The following ZC3H18 variants were observed in gnomAD, a reference collection of about 807,000 sequenced individuals.
The protein encoded by ZC3H18 is zinc finger CCCH domain-containing protein 18.
Under a neutral mutation model 106.1 loss-of-function variants are expected in ZC3H18, and 8 were observed. That is an observed-to-expected ratio of 0.08 (90% CI 0.04 to 0.14). The LOEUF (loss-of-function observed/expected upper bound fraction) is 0.14, where lower values mean the gene tolerates loss of function less well. Ranked by LOEUF, ZC3H18 falls within the 10% of genes least tolerant of loss-of-function variation. The probability of loss-of-function intolerance (pLI) is 1.00; values close to 1 mark genes in which losing one functional copy is unlikely to be tolerated. For synonymous variants in ZC3H18, 635 were observed against 522.1 expected (o/e 1.22, Z -2.95); for missense variants, 1,318 against 1,278.4 (o/e 1.03, Z -0.47).
At chr16:88,594,539 T>C (rs1477148068) in intron 3 of ZC3H18, among the ~76,000 whole-genome samples, 1 of 152,240 alleles carries the variant, frequency 6.6e-6, no homozygotes, top group Non-Finnish European at 1.5e-5. Context: ...GTTTCCCTGA[T>C]CCAGTTTGGG....
chr16:88,614,128 T>A (rs1434427838), intron 8 of ZC3H18, among the ~76,000 whole-genome samples: 1 of 152,242 alleles, frequency 6.6e-6, no homozygotes. Context: ...GGGATGTTGT[T>A]TGACTTGGCT....
intron 8 of ZC3H18, among the ~76,000 whole-genome samples, chr16:88,614,880 C>G (rs1767680095): frequency 6.6e-6 from 1 of 152,246 alleles, no homozygotes; most frequent in African/African-American, 2.4e-5. Flanking sequence ...CAGCCCAGCA[C>G]CCCGTGCACA....
intron 2 of ZC3H18, among the ~76,000 whole-genome samples, chr16:88,586,347 A>G (rs996468020): frequency 6.6e-6 from 1 of 152,124 alleles, no homozygotes; most frequent in African/African-American, 2.4e-5. Context: ...ACGAAAGCCC[A>G]CTCTGTAAAT....
Position 88,627,594 on chromosome 16 carries a change from G to T in ZC3H18, c.2109-28G>T. On this transcript the variant is annotated intron_variant, in intron 13 of 17. Transcript: ENST00000301011. The surrounding 1 kb of genome is among the most constrained non-coding windows in gnomAD (Gnocchi z 4.5). ...GGCCCCTCCCTCCAGTCTGGCTGGGGTGTGGTGAGATGTGCTTGTGTGTCC... is the reference window on the plus strand; with the variant it reads ...GGCCCCTCCCTCCAGTCTGGCTGGGTTGTGGTGAGATGTGCTTGTGTGTCC... The T allele has an allele frequency of 3.8e-6, 6 of 1,579,760 alleles. No individual in the cohort carries two copies. The highest frequency in any genetic ancestry group is 5.2e-6 in the Non-Finnish European group (6 of 1,156,708).
At chr16:88,600,697 AC>A (rs1305720034) in intron 6 of ZC3H18, among the ~76,000 whole-genome samples, 1 of 152,186 alleles carries the variant, frequency 6.6e-6, no homozygotes, top group Non-Finnish European at 1.5e-5. Flanking sequence ...ACAGGCGTGA[AC>A]CACTGCACCC....
intron 16 of ZC3H18, 116 bp from the exon 17 acceptor site, chr16:88,630,369 G>A (rs774315136): frequency 2.3e-5 from 16 of 696,252 alleles, no homozygotes; most frequent in Non-Finnish European, 3.2e-5. Context: ...AAAAATGAAG[G>A]TGGTGAACTA....
At chr16:88,581,408 C>G (rs1335951152) in intron 2 of ZC3H18, among the ~76,000 whole-genome samples, 1 of 152,224 alleles carries the variant, frequency 6.6e-6, no homozygotes, top group Admixed American at 6.5e-5. Flanking sequence ...ATCGGGACAT[C>G]AATTTGTACA....
At chr16:88,605,201 G>T (rs1904953036) in intron 6 of ZC3H18, among the ~76,000 whole-genome samples, 1 of 152,228 alleles carries the variant, frequency 6.6e-6, no homozygotes, top group South Asian at 2.1e-4. Context: ...GAGCAGGGAG[G>T]GAGGGTTGGG....
At chr16:88,626,131 T>C (rs548296588) in intron 13 of ZC3H18, 16 of 152,244 alleles carry the variant, frequency 1.1e-4, no homozygotes, top group African/African-American at 3.8e-4. Context: ...CCTAATTTTG[T>C]ATTTTTAGTA....
chr16:88,613,541 G>T (rs745473880), intron 8 of ZC3H18, among the ~76,000 whole-genome samples: 2 of 152,180 alleles, frequency 1.3e-5, no homozygotes, highest in Non-Finnish European at 2.9e-5. Flanking sequence ...AGCCGTCTTG[G>T]TGGGTGTGAC....
chr16:88,591,740 T>C (rs575582262), intron 3 of ZC3H18, among the ~76,000 whole-genome samples: 6 of 152,388 alleles, frequency 3.9e-5, no homozygotes, highest in African/African-American at 1.4e-4. Context: ...CTTTCAGCTC[T>C]TTCGCATGTG....
At chr16:88,610,909 T>C (rs866975581) in intron 7 of ZC3H18, among the ~76,000 whole-genome samples, 14 of 152,246 alleles carry the variant, frequency 9.2e-5, no homozygotes, top group African/African-American at 3.1e-4. Flanking sequence ...GCAGAATTGC[T>C]GCCCTGAGTT....
chr16:88,621,009 G>A (rs1730009918), intron 8 of ZC3H18, among the ~76,000 whole-genome samples: 1 of 151,984 alleles, frequency 6.6e-6, no homozygotes, highest in South Asian at 2.1e-4. Context: ...TGGGATTACA[G>A]GCACGTGTTA....
intron 1 of ZC3H18, 114 bp from the exon 2 acceptor site, chr16:88,576,996 G>C: frequency 9.2e-7 from 1 of 1,089,244 alleles, no homozygotes. Flanking sequence ...TTTGGGGCAG[G>C]GCCGTGTGGG....
At chr16:88,616,365 C>T (rs1266036603) in intron 8 of ZC3H18, among the ~76,000 whole-genome samples, 1 of 152,262 alleles carries the variant, frequency 6.6e-6, no homozygotes, top group Non-Finnish European at 1.5e-5. Flanking sequence ...TCCTGAAGCA[C>T]TTGCTTGTGC....
Position 88,631,639 on chromosome 16 carries a change from C to G in ZC3H18, c.*340C>G. ...CCTGGTCAGGCCTGTGGAGCCCCAG[C>G]TCTGGGTCCCTAGCCCGGGTCCAGG... On this transcript the variant is annotated 3_prime_UTR_variant, in exon 18 of 18. Coordinates refer to ENST00000301011, the MANE Select transcript of ZC3H18 (RefSeq NM_144604.4). 2.1e-6 allele frequency: 1 copy of G among 477,658 alleles called. No individual in the cohort carries two copies. The highest frequency in any genetic ancestry group is 1.5e-5 in the South Asian group (1 of 64,740). 29.6% of individuals were successfully genotyped at this position (477,658 alleles called of 1,614,324 possible).
At position 88,623,721 on chromosome 16, in the gene ZC3H18, G is replaced by A. The variant is rs181936384; in HGVS notation, c.1794-237G>A. 1.2e-3 allele frequency: 758 copies of A among 654,610 alleles called. 4 individuals carry two copies. The highest frequency in any genetic ancestry group is 0.011 in the South Asian group (415 of 38,836). 40.6% of individuals were successfully genotyped at this position (654,610 alleles called of 1,614,324 possible). A position where few individuals can be genotyped will look rare whatever the true frequency, so the allele number is the denominator to read the frequency against. ...CCTCCTGTCCTGCACACACATGAAC[G>A]TGACACTCGCCTCCCGGAGGACCCG... On this transcript the variant is annotated intron_variant, in intron 10 of 17. Coordinates refer to ENST00000301011, the MANE Select transcript of ZC3H18 (RefSeq NM_144604.4).
At chr16:88,587,662 A>T (rs1405577459) in intron 3 of ZC3H18, 18 of 1,480,138 alleles carry the variant, frequency 1.2e-5, no homozygotes, top group Non-Finnish European at 1.6e-5. Context: ...AAGTCCCCCT[A>T]CTCCAGAGGC....
Position 88,577,693 on chromosome 16 carries a change from C to T in ZC3H18, c.570C>T (p.Asp190=), listed in dbSNP as rs769423824. The T allele has an allele frequency of 2.5e-6, 4 of 1,613,640 alleles. No homozygotes were observed. The highest frequency in any genetic ancestry group is 2.7e-5 in the African/African-American group (2 of 74,968). Residue 190 remains aspartate (D), a synonymous_variant, in exon 2 of 18, where the codon GAC becomes GAT. Transcript: ENST00000301011. Reference sequence around the variant, plus strand: ...CTGCCAAGGAGAAAAAGAAAGAGGACGATGATGGAGAAATCGATGATGGGG... The same window carrying T: ...CTGCCAAGGAGAAAAAGAAAGAGGATGATGATGGAGAAATCGATGATGGGG... ...LEAAKEKKKE[D]DDGEIDDGEI...
Sources: gnomAD v4.1 joint callset for allele counts (sites outside exome capture counted in the v4.1 genomes callset) on GRCh38, gnomAD v4.1.1 for gene constraint, Gnocchi (gnomAD v3.1) non-coding constraint, MANE v1.5 for transcripts, NCBI Gene and HGNC (gene_info 2026-07-23, HGNC 2026-07-21) for gene names.